The following SPG21 variants were observed in gnomAD, a reference collection of about 807,000 sequenced individuals.
The protein encoded by SPG21 is SPG21 abhydrolase domain containing, maspardin.
Under a neutral mutation model 38.9 loss-of-function variants are expected in SPG21, and 26 were observed. The ratio of observed to expected loss-of-function variants is 0.67; its 90% confidence interval spans 0.49 to 0.93. The LOEUF (loss-of-function observed/expected upper bound fraction) is 0.93. Ranked by LOEUF, SPG21 falls within the 40% of genes least tolerant of loss-of-function variation. SPG21 has a pLI of 0.00. For missense variants in SPG21, 333 were observed against 376.5 expected (o/e 0.88, Z 0.96); for synonymous variants, 136 against 128.9 (o/e 1.05, Z -0.37).
chr15:64,975,622 G>C (rs768004132), intron 4 of SPG21, among the ~76,000 whole-genome samples: 2 of 151,598 alleles, frequency 1.3e-5, no homozygotes, highest in African/African-American at 2.4e-5. Flanking sequence ...ACATACCTAA[G>C]AGAACTGAAA....
At chr15:64,987,852 T>C (rs1322517112) in intron 1 of SPG21, among the ~76,000 whole-genome samples, 1 of 152,064 alleles carries the variant, frequency 6.6e-6, no homozygotes, top group Non-Finnish European at 1.5e-5. Context: ...CTGGCCAACA[T>C]GGTGCAGCCC....
At chr15:64,966,900 AAAAAACAAAAAC>A (rs60401159) in intron 7 of SPG21, among the ~76,000 whole-genome samples, 4 of 151,104 alleles carry the variant, frequency 2.6e-5, no homozygotes, top group Middle Eastern at 3.4e-3. Flanking sequence ...CTTTGTCTCA[AAAAAACAAAAAC>A]AAAAACAAAA....
rs758089289 is a variant in SPG21 at position 64,963,601 on chromosome 15, A to T, written c.*19T>A. Reference sequence around the variant, plus strand: ...CAAGAACACACCGGGTCAACTCATCATTGACAGCGAGAGACACACTACTGC... The same window carrying T: ...CAAGAACACACCGGGTCAACTCATCTTTGACAGCGAGAGACACACTACTGC... On this transcript the variant is annotated 3_prime_UTR_variant, in exon 9 of 9. Coordinates refer to ENST00000204566, the MANE Select transcript of SPG21 (RefSeq NM_016630.7). 1 of 1,587,320 alleles carries T rather than the reference A, an allele frequency of 6.3e-7. No individual in the cohort carries two copies. Among genetic ancestry groups the T allele is most frequent in the African/African-American group, 1.3e-5 (1 of 74,566 alleles).
At chr15:64,983,079 GA>G in intron 2 of SPG21, 2 of 234,828 alleles carry the variant, frequency 8.5e-6, no homozygotes, top group Non-Finnish European at 1.8e-5. Flanking sequence ...CCAACATGGT[GA>G]AACTCTGCCT....
chr15:64,986,451 T>A (rs763557607), intron 1 of SPG21, among the ~76,000 whole-genome samples: 5 of 152,008 alleles, frequency 3.3e-5, no homozygotes, highest in Non-Finnish European at 5.9e-5. Flanking sequence ...TTTGGGAGGC[T>A]GAGGCAGGTG....
chr15:64,979,282 G>A (rs763879701), intron 3 of SPG21, among the ~76,000 whole-genome samples: 4 of 152,134 alleles, frequency 2.6e-5, no homozygotes, highest in Non-Finnish European at 5.9e-5. Flanking sequence ...CGAGTGGGAC[G>A]GGCGCCTATG....
chr15:64,975,848 A>G (rs1327942396), intron 4 of SPG21, among the ~76,000 whole-genome samples: 1 of 152,206 alleles, frequency 6.6e-6, no homozygotes, highest in Non-Finnish European at 1.5e-5. Context: ...AAATAAAAAA[A>G]GCCAGTCAAA....
At chr15:64,974,256 C>T (rs1352182460) in intron 5 of SPG21, among the ~76,000 whole-genome samples, 6 of 152,024 alleles carry the variant, frequency 3.9e-5, no homozygotes, top group Admixed American at 6.5e-5. Context: ...GGCTTGAGCC[C>T]GGGAGTTAGA....
At chr15:64,988,205 G>C (rs565015341) in intron 1 of SPG21, among the ~76,000 whole-genome samples, 9 of 151,632 alleles carry the variant, frequency 5.9e-5, no homozygotes, top group African/African-American at 2.2e-4. Context: ...CTGGGCGACA[G>C]AGTGAGACTC....
rs554321379 is a variant in SPG21 at position 64,963,800 on chromosome 15, A to C, written c.811-64T>G. 529 of 1,460,036 alleles carry C rather than the reference A, an allele frequency of 3.6e-4. 2 individuals are homozygous for C. The African/African-American group carries it at 6.3e-3, about 18-fold the overall frequency. 90.4% of individuals were successfully genotyped at this position (1,460,036 alleles called of 1,614,324 possible). ...AGCTGGAGTGTCACTCTTGTTGCCCAGGCTGGAGTGCAGTGGCACTATCTT... is the reference window on the plus strand; with the variant it reads ...AGCTGGAGTGTCACTCTTGTTGCCCCGGCTGGAGTGCAGTGGCACTATCTT... On this transcript the variant is annotated intron_variant, in intron 8 of 8. Coordinates refer to ENST00000204566, the MANE Select transcript of SPG21 (RefSeq NM_016630.7).
chr15:64,977,996 G>T (rs534775820), intron 3 of SPG21, among the ~76,000 whole-genome samples: 1 of 151,574 alleles, frequency 6.6e-6, no homozygotes, highest in East Asian at 2.0e-4. Flanking sequence ...CTAATTTTTT[G>T]TTGTTGTTGT....
At chr15:64,969,674 GAT>G (rs1367923405) in intron 6 of SPG21, among the ~76,000 whole-genome samples, 1 of 138,510 alleles carries the variant, frequency 7.2e-6, no homozygotes. Context: ...AAAGGTGACA[GAT>G]ATATGTTTTT....
In SPG21 at chr15:64,963,397, A is replaced by C; in HGVS notation, c.*223T>G. On this transcript the variant is annotated 3_prime_UTR_variant, in exon 9 of 9. Transcript: ENST00000204566. ...TCTTAAAATGGGAGTCTTCAAAAGT[A>C]CTTCTTCAAATTCAAAAGCTAAGAA... 1 of 520,980 alleles carries C rather than the reference A, an allele frequency of 1.9e-6. No individual in the cohort carries two copies. Among genetic ancestry groups the C allele is most frequent in the Non-Finnish European group, 3.4e-6 (1 of 291,932 alleles). 32.3% of individuals were successfully genotyped at this position (520,980 alleles called of 1,614,324 possible).
chr15:64,974,451 G>T, intron 5 of SPG21, 151 bp downstream of exon 5: 1 of 881,526 alleles, frequency 1.1e-6, no homozygotes, highest in Non-Finnish European at 1.7e-6. Flanking sequence ...CTTCAGCCTG[G>T]GTGACAGAGC....
chr15:64,979,584 C>T (rs2085846402), intron 3 of SPG21, among the ~76,000 whole-genome samples: 1 of 152,116 alleles, frequency 6.6e-6, no homozygotes, highest in South Asian at 2.1e-4. Flanking sequence ...AAGAGACGGG[C>T]TCTCAGGAGG....
chr15:64,981,729 C>CAGAT (rs2085890538), intron 2 of SPG21: 1 of 151,038 alleles, frequency 6.6e-6, no homozygotes. Flanking sequence ...CAGAGTCTGG[C>CAGAT]AGATGTTAAG....
intron 1 of SPG21, chr15:64,989,000 AAAG>A (rs2086060002): frequency 6.6e-6 from 1 of 152,312 alleles, no homozygotes; most frequent in African/African-American, 2.4e-5. Context: ...AAAAAAAAAA[AAAG>A]TTACTCCTTA....
At position 64,966,918 on chromosome 15, in the gene SPG21, CAAAAACAAAA is replaced by C. The variant is rs1380425369; in HGVS notation, c.670-1468_670-1459del. Among the ~76,000 whole-genome samples, 454 of 151,560 alleles carry C rather than the reference CAAAAACAAAA, an allele frequency of 3.0e-3. 2 individuals are homozygous for C. The highest frequency in any genetic ancestry group is 9.4e-3 in the African/African-American group (387 of 41,336). On this transcript the variant is annotated intron_variant, in intron 7 of 8. Coordinates refer to ENST00000204566, the MANE Select transcript of SPG21 (RefSeq NM_016630.7). The stretch of plus-strand genomic sequence containing the variant: ...TGTCTCAAAAAAACAAAAACAAAAA[CAAAAACAAAA>C]AACCATATTATTTGAATTTAGGAAC...
chr15:64,984,702 C>T (rs564769462), intron 1 of SPG21, among the ~76,000 whole-genome samples: 1 of 151,932 alleles, frequency 6.6e-6, no homozygotes, highest in African/African-American at 2.4e-5. Flanking sequence ...TCGCAATACA[C>T]CATAAATCTA....
Sources: allele counts gnomAD v4.1 joint callset (sites outside exome capture counted in the v4.1 genomes callset), GRCh38; gene constraint gnomAD v4.1.1; transcripts MANE v1.5; gene names NCBI Gene and HGNC (gene_info 2026-07-23, HGNC 2026-07-21).